Variants in BIRC6 observed in about 807,000 individuals in gnomAD.
BIRC6 encodes the protein dual E2 ubiquitin-conjugating enzyme/E3 ubiquitin-protein ligase BIRC6.
BIRC6 carries 98 observed loss-of-function variants against 503.3 expected under a neutral mutation model. The ratio of observed to expected loss-of-function variants is 0.19; its 90% CI spans 0.17 to 0.23. BIRC6 has a LOEUF of 0.23. Ranked by LOEUF, BIRC6 falls within the 10% of genes least tolerant of loss-of-function variation. The pLI is 1.00. For missense variants in BIRC6, 5,360 were observed against 5,806.0 expected, an observed-to-expected ratio of 0.92 and a Z score of 2.50; for synonymous variants, 2,240 against 2,078.7, an observed-to-expected ratio of 1.08 and a Z score of -2.11.
At chr2:32,452,489 A>T (rs191018174) in intron 22 of BIRC6, among the ~76,000 whole-genome samples, 9 of 152,234 alleles carry the variant, frequency 5.9e-5, no homozygotes, top group African/African-American at 2.2e-4. Context: ...ATGTAGAGGG[A>T]TCTTAGAATT....
chr2:32,534,885 C>T (rs2057090605), intron 61 of BIRC6, among the ~76,000 whole-genome samples: 1 of 151,292 alleles, frequency 6.6e-6, no homozygotes, highest in South Asian at 2.1e-4. Flanking sequence ...GAAACATGGA[C>T]AGAAACAGTA....
intron 58 of BIRC6, 113 bp downstream of exon 58, chr2:32,525,132 G>A (rs1459301928): frequency 8.3e-6 from 8 of 961,004 alleles, no homozygotes; most frequent in East Asian, 6.1e-5. Context: ...AAGCTGACTC[G>A]TAATGATGTT....
chr2:32,401,712 GAAA>G, intron 8 of BIRC6, 89 bp downstream of exon 8: 1 of 1,205,956 alleles, frequency 8.3e-7, no homozygotes, highest in South Asian at 1.9e-5. Context: ...TAAAGAGGAG[GAAA>G]AAAAAGTTAC....
chr2:32,480,982 C>G (rs763392392), intron 37 of BIRC6, among the ~76,000 whole-genome samples: 4 of 151,906 alleles, frequency 2.6e-5, no homozygotes, highest in Non-Finnish European at 5.9e-5. Flanking sequence ...TTGCTTTTCT[C>G]TTTAATACTG....
intron 37 of BIRC6, among the ~76,000 whole-genome samples, chr2:32,480,446 A>C (rs1006350349): frequency 1.3e-5 from 2 of 152,012 alleles, no homozygotes; most frequent in Non-Finnish European, 2.9e-5. Context: ...ACCCTCATAC[A>C]GGCTGGCATT....
Position 32,465,132 on chromosome 2 carries a change from A to G in BIRC6, c.5324A>G (p.His1775Arg). Residue 1775 changes from histidine to arginine, a missense_variant, in exon 26 of 74, where the codon CAC (histidine) becomes CGC (arginine). Coordinates refer to ENST00000421745, the MANE Select transcript of BIRC6 (RefSeq NM_016252.4). ...HASHFLQPPP[H>R]QSIIIERMHS... ...TCACATTTTCTTCAACCTCCGCCTCACCAGTCCATTATTATAGAGCGAATG... is the reference window on the plus strand; with the variant it reads ...TCACATTTTCTTCAACCTCCGCCTCGCCAGTCCATTATTATAGAGCGAATG... The G allele has an allele frequency of 6.3e-7, 1 of 1,596,488 alleles. No homozygotes were observed. Among genetic ancestry groups the G allele is most frequent in the Non-Finnish European group, 8.5e-7 (1 of 1,170,888 alleles).
Position 32,441,318 on chromosome 2 carries a change from G to T in BIRC6, c.3811-11G>T. ...TATTTTTTAAAATTCATTATTATTT[G>T]TAATGTTTAGGAAAAATCATCTAAT... On this transcript the variant is annotated splice_polypyrimidine_tract_variant and intron_variant, in intron 16 of 73. Coordinates refer to ENST00000421745, the MANE Select transcript of BIRC6 (RefSeq NM_016252.4). The T allele has an allele frequency of 1.4e-6, 2 of 1,471,734 alleles. No homozygotes were observed. The highest frequency in any genetic ancestry group is 9.3e-7 in the Non-Finnish European group (1 of 1,080,928). The allele number at this position is 1,471,734 out of a possible 1,614,324, so 91.2% of individuals were successfully genotyped here. A position where few individuals can be genotyped will look rare whatever the true frequency, so the allele number is the denominator to read the frequency against.
At chr2:32,516,357 T>G (rs1044333670) in intron 55 of BIRC6, among the ~76,000 whole-genome samples, 1 of 151,306 alleles carries the variant, frequency 6.6e-6, no homozygotes, top group African/African-American at 2.4e-5. Context: ...CTCCTAAAAA[T>G]ACAAAAAAAT....
intron 68 of BIRC6, among the ~76,000 whole-genome samples, chr2:32,597,278 C>G (rs2061734488): frequency 6.6e-6 from 1 of 152,130 alleles, no homozygotes; most frequent in Admixed American, 6.5e-5. Flanking sequence ...GCTTTCATTA[C>G]CTGTAAATAT....
intron 71 of BIRC6, among the ~76,000 whole-genome samples, chr2:32,607,077 G>A (rs1304915581): frequency 6.7e-6 from 1 of 150,132 alleles, no homozygotes; most frequent in African/African-American, 2.5e-5. Context: ...GCAGAATGTT[G>A]CTATGAGTTG....
intron 3 of BIRC6, among the ~76,000 whole-genome samples, chr2:32,381,163 C>A (rs1257606283): frequency 6.6e-6 from 1 of 152,140 alleles, no homozygotes; most frequent in African/African-American, 2.4e-5. Context: ...TGGGCATTTG[C>A]AAAGATTTTT....
At chr2:32,435,949 A>G (rs1436626362) in intron 14 of BIRC6, 104 bp from the exon 15 acceptor site, 5 of 626,260 alleles carry the variant, frequency 8.0e-6, no homozygotes, top group Admixed American at 7.6e-5. Flanking sequence ...TAAGTATGAT[A>G]TTTTGTGTGG....
intron 66 of BIRC6, among the ~76,000 whole-genome samples, chr2:32,582,349 T>C (rs987396431): frequency 1.3e-5 from 2 of 152,066 alleles, no homozygotes; most frequent in African/African-American, 4.8e-5. Context: ...AACCCTGATA[T>C]ATTAGTTGAG....
rs2063368597 is a variant in BIRC6, at chr2:32,618,417, TC to T, written c.*516del. 6.6e-6 allele frequency: 1 copy of T among 152,218 alleles called. No individual in the cohort carries two copies. Among genetic ancestry groups the T allele is most frequent in the Admixed American group, 6.5e-5 (1 of 15,276 alleles). 9.4% of individuals were successfully genotyped at this position (152,218 alleles called of 1,614,324 possible). ...TTCAATAAAAGTTAAATGGACATAC[TC>T]CCTCTTTTTTGATTTACTGGTACAT... On this transcript the variant is annotated 3_prime_UTR_variant, in exon 74 of 74. Coordinates refer to ENST00000421745, the MANE Select transcript of BIRC6 (RefSeq NM_016252.4).
chr2:32,491,625 A>T, intron 44 of BIRC6, 67 bp downstream of exon 44: 1 of 1,494,106 alleles, frequency 6.7e-7, no homozygotes. Context: ...ATGTAAAGCT[A>T]TGTAACTTTT....
intron 57 of BIRC6, among the ~76,000 whole-genome samples, chr2:32,519,875 G>T (rs1221359954): frequency 1.3e-5 from 2 of 152,190 alleles, no homozygotes; most frequent in Non-Finnish European, 2.9e-5. Context: ...GTTAATCAGT[G>T]AGTGAACTTG....
At chr2:32,464,904 T>C in intron 25 of BIRC6, 81 bp downstream of exon 25, 5 of 1,490,778 alleles carry the variant, frequency 3.4e-6, no homozygotes, top group Non-Finnish European at 4.5e-6. Flanking sequence ...AGGCAAAATT[T>C]TTAATACCAA....
chr2:32,512,872 C>T (rs1397630574), intron 53 of BIRC6, 61 bp from the exon 54 acceptor site: 15 of 1,272,146 alleles, frequency 1.2e-5, no homozygotes, highest in Non-Finnish European at 1.7e-5. Flanking sequence ...TGGTATTTAT[C>T]TATATGAAAT....
chr2:32,524,478 C>G (rs2056078530), intron 57 of BIRC6, among the ~76,000 whole-genome samples: 1 of 152,102 alleles, frequency 6.6e-6, no homozygotes, highest in South Asian at 2.1e-4. Context: ...ATATCAGTAG[C>G]CTTTCTAAGG....
Sources: allele counts gnomAD v4.1 joint callset (sites outside exome capture counted in the v4.1 genomes callset), GRCh38; gene constraint gnomAD v4.1.1; transcripts MANE v1.5; gene names NCBI Gene and HGNC (gene_info 2026-07-23, HGNC 2026-07-21).